SPNS2: variants seen among roughly 807,000 people sequenced by gnomAD.
SPNS2 encodes the protein SPNS lysolipid transporter 2, sphingosine-1-phosphate, also known as sphingosine-1-phosphate transporter SPNS2.
In SPNS2, 37 loss-of-function variants were observed where a neutral mutation model predicts 57.6. The observed-to-expected ratio is 0.64, with a 90% CI of 0.49 to 0.85. The LOEUF is 0.85. Among genes scored for constraint, SPNS2 ranks in the 40% least tolerant of loss-of-function variants. The probability of loss-of-function intolerance (pLI) is 0.00; values close to 1 mark genes in which losing one functional copy is unlikely to be tolerated. For missense variants in SPNS2, 831 were observed against 779.1 expected, an observed-to-expected ratio of 1.07 and a Z score of -0.79; for synonymous variants, 440 against 346.9, an observed-to-expected ratio of 1.27 and a Z score of -2.98.
At chr17:4,513,693 G>A (rs1303508573) in intron 2 of SPNS2, among the ~76,000 whole-genome samples, 3 of 152,202 alleles carry the variant, frequency 2.0e-5, no homozygotes, top group Non-Finnish European at 4.4e-5. Flanking sequence ...CAGCAGAGCC[G>A]TGGTGACCCT....
At chr17:4,526,301 T>C (rs1036670379) in intron 3 of SPNS2, among the ~76,000 whole-genome samples, 3 of 152,054 alleles carry the variant, frequency 2.0e-5, no homozygotes, top group African/African-American at 7.2e-5. Flanking sequence ...TGGTGGAGTG[T>C]GTTGAAAGAT....
intron 2 of SPNS2, 67 bp from the exon 3 acceptor site, chr17:4,524,990 G>A: frequency 6.3e-7 from 1 of 1,584,586 alleles, no homozygotes; most frequent in Non-Finnish European, 8.6e-7. Flanking sequence ...CCAAGCCGGA[G>A]TGAAATGGGC....
intron 2 of SPNS2, among the ~76,000 whole-genome samples, chr17:4,524,712 A>T (rs1024947188): frequency 1.3e-5 from 2 of 152,182 alleles, no homozygotes; most frequent in African/African-American, 4.8e-5. Flanking sequence ...TTTTAAAAAG[A>T]TATGTGAGAT....
chr17:4,500,448 G>A (rs1234663388), intron 1 of SPNS2, among the ~76,000 whole-genome samples: 2 of 152,158 alleles, frequency 1.3e-5, no homozygotes, highest in Non-Finnish European at 1.5e-5. Flanking sequence ...GAATGGTGGA[G>A]CTTTGAGAGG....
intron 1 of SPNS2, among the ~76,000 whole-genome samples, chr17:4,502,628 T>G (rs1904552399): frequency 6.6e-6 from 1 of 152,162 alleles, no homozygotes; most frequent in Admixed American, 6.5e-5. Context: ...CTGAGCCTTC[T>G]GTGTGATCAT....
At chr17:4,516,316 C>CAAAAAAAAA (rs67710825) in intron 2 of SPNS2, among the ~76,000 whole-genome samples, 20 of 67,492 alleles carry the variant, frequency 3.0e-4, no homozygotes, top group East Asian at 8.7e-4. Context: ...TCTATCTCCC[C>CAAAAAAAAA]AAAAAAAAAA....
intron 2 of SPNS2, among the ~76,000 whole-genome samples, chr17:4,517,243 C>G (rs1905019364): frequency 6.6e-6 from 1 of 152,232 alleles, no homozygotes; most frequent in Non-Finnish European, 1.5e-5. Context: ...ATAGAGGCCC[C>G]CTCTGTTTCC....
chr17:4,534,705 A>G (rs1486082305), intron 9 of SPNS2, among the ~76,000 whole-genome samples: 3 of 152,054 alleles, frequency 2.0e-5, no homozygotes, highest in Admixed American at 6.5e-5. Context: ...TGTCCTCCCG[A>G]GTCCATGGGC....
rs12949158 is a variant in SPNS2 at position 4,533,602 on chromosome 17, G to A, written c.1278+170G>A. 504,311 of 979,832 alleles carry A rather than the reference G, an allele frequency of 0.51. 134,280 individuals carry two copies. Among genetic ancestry groups the A allele is most frequent in the South Asian group, 0.6 (38,213 of 63,974 alleles). The allele number at this position is 979,832 out of a possible 1,614,324, so 60.7% of individuals were successfully genotyped here. On this transcript the variant is annotated intron_variant, in intron 8 of 12. Coordinates refer to ENST00000329078, the MANE Select transcript of SPNS2 (RefSeq NM_001124758.3). ...CCTGGCCACACACAGCCTGTCCAGG[G>A]CCTCTGGGTGCCTCAGGGCCGTGGG...
rs767204334 is a variant in SPNS2 at position 4,532,718 on chromosome 17, G to C, written c.935+34G>C. ...CGCGGGAAGGGGTCTGGTGGGAAGA[G>C]AGAGGGGTGCTGAGATGAGAGGGCC... On this transcript the variant is annotated intron_variant, in intron 6 of 12. Coordinates refer to ENST00000329078, the MANE Select transcript of SPNS2 (RefSeq NM_001124758.3). 1.1e-5 allele frequency: 18 copies of C among 1,604,152 alleles called. No homozygotes were observed. The Admixed American group carries it at 3.0e-4, about 27-fold the overall frequency.
At chr17:4,531,830 G>A (rs1200403173) in intron 5 of SPNS2, among the ~76,000 whole-genome samples, 3 of 152,108 alleles carry the variant, frequency 2.0e-5, no homozygotes, top group African/African-American at 4.8e-5. Context: ...CCTCCCACCC[G>A]GAGAGAAGCC....
Position 4,538,860 on chromosome 17 carries a change from G to A in SPNS2, c.*1412G>A. 1.3e-6 allele frequency: 1 copy of A among 780,470 alleles called. No homozygotes were observed. The highest frequency in any genetic ancestry group is 2.4e-6 in the Non-Finnish European group (1 of 417,884). 48.3% of individuals were successfully genotyped at this position (780,470 alleles called of 1,614,324 possible). On this transcript the variant is annotated 3_prime_UTR_variant, in exon 13 of 13. Transcript: ENST00000329078. ...CCACCCCCACTCCAGCCTCAGCGGG[G>A]CCCCAGCGATGTTTTCTTGTTGTAC...
chr17:4,530,969 G>A (rs534257396), intron 4 of SPNS2, 84 bp from the exon 5 acceptor site: 6 of 1,540,760 alleles, frequency 3.9e-6, no homozygotes, highest in Non-Finnish European at 5.3e-6. Flanking sequence ...GGGGAGGGTG[G>A]GCAGCCTGCC....
Position 4,510,111 on chromosome 17 carries a change from A to T in SPNS2, c.371-3136A>T, listed in dbSNP as rs1199745217. Among the ~76,000 whole-genome samples, 2 of 152,330 alleles carry T rather than the reference A, an allele frequency of 1.3e-5. No homozygotes were observed. The highest frequency in any genetic ancestry group is 6.5e-5 in the Admixed American group (1 of 15,306). On this transcript the variant is annotated intron_variant, in intron 1 of 12. Coordinates refer to ENST00000329078, the MANE Select transcript of SPNS2 (RefSeq NM_001124758.3). This position sits in a 1 kb window ranked among gnomAD's most constrained non-coding sequence, Gnocchi z 4.4. ...GCTTCCCGTGCCAGCGGCCAGCGGG[A>T]TCTCACCCTCCTGTGGCTGTGGCCG... is the stretch of plus-strand genomic sequence containing the variant.
At chr17:4,502,718 G>A (rs1904556746) in intron 1 of SPNS2, among the ~76,000 whole-genome samples, 1 of 152,104 alleles carries the variant, frequency 6.6e-6, no homozygotes, top group Non-Finnish European at 1.5e-5. Context: ...CAGATTCCTA[G>A]GAGGGCTTCA....
chr17:4,521,914 C>T (rs150523933), intron 2 of SPNS2, among the ~76,000 whole-genome samples: 22 of 152,318 alleles, frequency 1.4e-4, no homozygotes, highest in African/African-American at 4.8e-4. Context: ...AATGGGCAAA[C>T]ACGGCCGGGC....
chr17:4,534,262 G>A (rs1905654540), intron 9 of SPNS2: 1 of 264,576 alleles, frequency 3.8e-6, no homozygotes, highest in South Asian at 4.9e-5. Context: ...GGCGGACAGA[G>A]GCTGTCTTCA....
intron 8 of SPNS2, 159 bp downstream of exon 8, chr17:4,533,591 G>C (rs1905607529): frequency 9.9e-7 from 1 of 1,012,276 alleles, no homozygotes; most frequent in South Asian, 1.6e-5. Context: ...GCCACACACA[G>C]CCTGTCCAGG....
intron 1 of SPNS2, among the ~76,000 whole-genome samples, chr17:4,501,935 G>A (rs1421199135): frequency 6.6e-6 from 1 of 152,126 alleles, no homozygotes; most frequent in African/African-American, 2.4e-5. Context: ...GACCAGCTTT[G>A]TCCAAAAGAA....
Sources: allele counts gnomAD v4.1 joint callset (sites outside exome capture counted in the v4.1 genomes callset), GRCh38; gene constraint gnomAD v4.1.1; non-coding constraint Gnocchi (gnomAD v3.1); transcripts MANE v1.5; gene names NCBI Gene and HGNC (gene_info 2026-07-23, HGNC 2026-07-21).